The following ZNF536 variants were observed in gnomAD, a reference collection of about 807,000 sequenced individuals.
The protein encoded by ZNF536 is zinc finger protein 536.
In ZNF536, 13 loss-of-function variants were observed where a neutral mutation model predicts 84.5. The ratio of observed to expected loss-of-function variants is 0.15; its 90% CI spans 0.10 to 0.24. The LOEUF (loss-of-function observed/expected upper bound fraction) is 0.24, where lower values mean the gene tolerates loss of function less well. ZNF536 is among the 10% of genes least tolerant of loss of function. ZNF536 has a pLI of 1.00. For missense variants in ZNF536, 1,536 were observed against 1,747.5 expected (o/e 0.88, Z 2.16); for synonymous variants, 811 against 742.5 (o/e 1.09, Z -1.50).
At chr19:30,639,191 T>A (rs2049177297) in intron 1 of ZNF536, among the ~76,000 whole-genome samples, 1 of 152,234 alleles carries the variant, frequency 6.6e-6, no homozygotes. Context: ...AGATGCCTTT[T>A]GACTGTATGA....
intron 2 of ZNF536, among the ~76,000 whole-genome samples, chr19:30,348,574 G>A (rs576524201): frequency 2.0e-5 from 3 of 152,298 alleles, no homozygotes; most frequent in Admixed American, 1.3e-4. Flanking sequence ...GAGTCCTGAG[G>A]ACTGGCAGAA....
intron 2 of ZNF536, among the ~76,000 whole-genome samples, chr19:30,492,568 T>A (rs2054551610): frequency 6.6e-6 from 1 of 152,368 alleles, no homozygotes; most frequent in East Asian, 1.9e-4. Flanking sequence ...CTGTGATTTA[T>A]GAATTTAACT....
At chr19:30,382,998 A>T (rs969899980) in intron 1 of ZNF536, among the ~76,000 whole-genome samples, 1 of 152,226 alleles carries the variant, frequency 6.6e-6, no homozygotes, top group Non-Finnish European at 1.5e-5. Context: ...CCTCCTAAAA[A>T]CAACAAACGT....
At chr19:30,471,034 T>G (rs1421477494) in intron 2 of ZNF536, among the ~76,000 whole-genome samples, 1 of 151,512 alleles carries the variant, frequency 6.6e-6, no homozygotes, top group Non-Finnish European at 1.5e-5. Context: ...TTGCCCAGGC[T>G]TATCTCAAAC....
intron 1 of ZNF536, among the ~76,000 whole-genome samples, chr19:30,376,530 C>T (rs1020303576): frequency 6.6e-6 from 1 of 152,170 alleles, no homozygotes; most frequent in South Asian, 2.1e-4. Context: ...CTGGATACTC[C>T]GTGGGTCTGG....
intron 1 of ZNF536, chr19:30,665,304 T>C (rs1600198643): frequency 6.6e-6 from 1 of 152,180 alleles, no homozygotes; most frequent in Non-Finnish European, 1.5e-5. Flanking sequence ...GATGGCACCA[T>C]TGCACTCTAG....
At chr19:30,484,297 G>C (rs1389667382) in intron 2 of ZNF536, among the ~76,000 whole-genome samples, 2 of 145,896 alleles carry the variant, frequency 1.4e-5, no homozygotes, top group Non-Finnish European at 3.0e-5. Context: ...TGTGATCTCA[G>C]CTCACTGCAA....
At chr19:30,273,164 A>C (rs1449560048) in intron 1 of ZNF536, among the ~76,000 whole-genome samples, 2 of 152,160 alleles carry the variant, frequency 1.3e-5, no homozygotes, top group African/African-American at 4.8e-5. Flanking sequence ...GACCTTTTGA[A>C]GTGCTGGGAT....
At chr19:30,240,332 C>T (rs2023848801) in intron 1 of ZNF536, among the ~76,000 whole-genome samples, 1 of 151,736 alleles carries the variant, frequency 6.6e-6, no homozygotes, top group Admixed American at 6.6e-5. Flanking sequence ...AAGATCGTGT[C>T]ACTACACTCC....
At chr19:30,693,188 T>C (rs1299939948) in intron 1 of ZNF536, among the ~76,000 whole-genome samples, 1 of 152,178 alleles carries the variant, frequency 6.6e-6, no homozygotes, top group Admixed American at 6.5e-5. Flanking sequence ...TCATCTCGCA[T>C]GGGACAAAGG....
chr19:30,581,078 G>A (rs1214503741), intron 1 of ZNF536, among the ~76,000 whole-genome samples: 1 of 152,334 alleles, frequency 6.6e-6, no homozygotes, highest in African/African-American at 2.4e-5. Context: ...ATTTAGAAAA[G>A]CAGACCTGAT....
chr19:30,295,398 G>T (rs1280018810), intron 2 of ZNF536, among the ~76,000 whole-genome samples: 1 of 152,180 alleles, frequency 6.6e-6, no homozygotes, highest in Non-Finnish European at 1.5e-5. Flanking sequence ...TAGTGTCGTG[G>T]ATCTCCAACT....
In ZNF536 at chr19:30,415,371, TTCCTTCTTC is replaced by T. The variant is rs2050685519; in HGVS notation, c.-2-28179_-2-28171del. On this transcript the variant is annotated intron_variant, in intron 1 of 4. Coordinates refer to ENST00000355537, the MANE Select transcript of ZNF536 (RefSeq NM_014717.3). ...GTCCTCTTCCTCTTCCTTTTCCTTC[TTCCTTCTTC>T]TCCTTCTTCTTCTCCTCCTTCTCTT... 2.7e-5 allele frequency among the ~76,000 whole-genome samples: 4 copies of T among 149,672 alleles called. No homozygotes were observed. The East Asian group carries it at 5.9e-4, about 22-fold the overall frequency.
At chr19:30,416,289 ATTTTT>A (rs200146840) in intron 1 of ZNF536, among the ~76,000 whole-genome samples, 21 of 132,560 alleles carry the variant, frequency 1.6e-4, no homozygotes, top group South Asian at 4.7e-4. Context: ...TGTCCTCTGA[ATTTTT>A]TTTTTTTTTT....
At chr19:30,685,911 C>T (rs1020853088) in intron 1 of ZNF536, among the ~76,000 whole-genome samples, 3 of 152,166 alleles carry the variant, frequency 2.0e-5, no homozygotes, top group South Asian at 2.1e-4. Flanking sequence ...TGAGCATTTG[C>T]GTGAGGCCAT....
At chr19:30,676,870 C>T (rs1033027023) in intron 1 of ZNF536, among the ~76,000 whole-genome samples, 6 of 152,070 alleles carry the variant, frequency 3.9e-5, no homozygotes, top group South Asian at 2.1e-4. Flanking sequence ...CAAGGGTGGA[C>T]ATTTTATTTA....
chr19:30,506,737 A>G (rs915267658), intron 2 of ZNF536, among the ~76,000 whole-genome samples: 1 of 152,170 alleles, frequency 6.6e-6, no homozygotes, highest in Non-Finnish European at 1.5e-5. Context: ...GTAATCCACA[A>G]CTAGGTTTTA....
chr19:30,285,404 A>G (rs1040344956), intron 2 of ZNF536, among the ~76,000 whole-genome samples: 1 of 152,124 alleles, frequency 6.6e-6, no homozygotes, highest in African/African-American at 2.4e-5. Flanking sequence ...CAGAGAGATT[A>G]TTTTGTTTTT....
chr19:30,556,159 C>G (rs148336551), intron 4 of ZNF536: 1 of 152,364 alleles, frequency 6.6e-6, no homozygotes, highest in African/African-American at 2.4e-5. Context: ...TATGGTCTGG[C>G]CTGCTCTCAT....
Sources: gnomAD v4.1 joint callset for allele counts (sites outside exome capture counted in the v4.1 genomes callset) on GRCh38, gnomAD v4.1.1 for gene constraint, MANE v1.5 for transcripts, NCBI Gene and HGNC (gene_info 2026-07-23, HGNC 2026-07-21) for gene names.